Variants in XYLT1 observed in about 807,000 individuals in gnomAD.
XYLT1 encodes the protein xylosyltransferase 1.
Under a neutral mutation model 91.3 loss-of-function variants are expected in XYLT1, and 36 were observed. The observed-to-expected ratio is 0.39, with a 90% CI of 0.30 to 0.52. The LOEUF is 0.52. Among genes scored for constraint, XYLT1 ranks in the 20% least tolerant of loss-of-function variants. The probability of loss-of-function intolerance (pLI) is 0.68; values close to 1 mark genes in which losing one functional copy is unlikely to be tolerated. For missense variants in XYLT1, 1,242 were observed against 1,284.5 expected (o/e 0.97, Z 0.51); for synonymous variants, 588 against 532.0 (o/e 1.11, Z -1.45).
intron 2 of XYLT1, among the ~76,000 whole-genome samples, chr16:17,292,840 C>T (rs2034251668): frequency 6.6e-6 from 1 of 152,192 alleles, no homozygotes; most frequent in South Asian, 2.1e-4. Context: ...CATCTCTCCA[C>T]ACTTTGCCCA....
chr16:17,448,335 A>G (rs2036619826), intron 1 of XYLT1, among the ~76,000 whole-genome samples: 1 of 152,250 alleles, frequency 6.6e-6, no homozygotes, highest in Non-Finnish European at 1.5e-5. Context: ...ACTGCACTCC[A>G]GCCTGGGCGC....
At chr16:17,369,736 A>C (rs1223002165) in intron 1 of XYLT1, 1 of 152,254 alleles carries the variant, frequency 6.6e-6, no homozygotes, top group Admixed American at 6.5e-5. Flanking sequence ...TTGACTTTTC[A>C]GGGCCGTGAC....
chr16:17,139,034 G>C (rs2030878819), intron 7 of XYLT1, among the ~76,000 whole-genome samples: 1 of 152,142 alleles, frequency 6.6e-6, no homozygotes. Flanking sequence ...GCTGCTTGCT[G>C]TCCATGGTAC....
rs536046352 is a variant in XYLT1, at chr16:17,181,817, C to T, written c.1289+16395G>A. On this transcript the variant is annotated intron_variant, in intron 5 of 11. Transcript: ENST00000261381. ...GTGGTACTTAAGCCTCTTGGGGCCACGATGAGTTACCCCAACCGCTTGATG... is the reference window on the plus strand; with the variant it reads ...GTGGTACTTAAGCCTCTTGGGGCCATGATGAGTTACCCCAACCGCTTGATG... Among the ~76,000 whole-genome samples, 22 of 152,090 alleles carry T rather than the reference C, an allele frequency of 1.4e-4. 1 individual carries two copies. The South Asian group carries it at 4.0e-3, about 27-fold the overall frequency.
chr16:17,402,301 C>A (rs530307869), intron 1 of XYLT1, among the ~76,000 whole-genome samples: 1 of 150,618 alleles, frequency 6.6e-6, no homozygotes, highest in African/African-American at 2.5e-5. Context: ...GCCTGGGCAA[C>A]GGAGACCTTG....
intron 3 of XYLT1, among the ~76,000 whole-genome samples, chr16:17,222,297 C>T (rs1285628947): frequency 1.3e-5 from 2 of 152,200 alleles, no homozygotes; most frequent in Non-Finnish European, 2.9e-5. Flanking sequence ...TGTCTGGAGA[C>T]ATTTTTATTT....
intron 1 of XYLT1, among the ~76,000 whole-genome samples, chr16:17,396,023 G>A (rs962273610): frequency 6.6e-6 from 1 of 152,158 alleles, no homozygotes; most frequent in African/African-American, 2.4e-5. Context: ...TTTAAAAGTA[G>A]CCCTGTGCAA....
intron 6 of XYLT1, among the ~76,000 whole-genome samples, chr16:17,158,162 T>C (rs1567300509): frequency 6.6e-6 from 1 of 152,248 alleles, no homozygotes; most frequent in Non-Finnish European, 1.5e-5. Context: ...TGGGCTCAGC[T>C]CAATGCTGAA....
intron 1 of XYLT1, among the ~76,000 whole-genome samples, chr16:17,390,848 C>T (rs886740812): frequency 6.6e-6 from 1 of 152,090 alleles, no homozygotes. Flanking sequence ...CCAGCCTGGG[C>T]AACATGACGA....
chr16:17,304,472 GATTTGGACC>G (rs58270916), intron 2 of XYLT1, among the ~76,000 whole-genome samples: 93,419 of 151,366 alleles, frequency 0.62, 30,897 homozygotes, highest in African/African-American at 0.87. Flanking sequence ...ATGCTGCAGG[GATTTGGACC>G]ATTTGGACCG....
chr16:17,268,289 A>T (rs553053855), intron 2 of XYLT1, among the ~76,000 whole-genome samples: 109 of 152,324 alleles, frequency 7.2e-4, no homozygotes, highest in Middle Eastern at 3.4e-3. Flanking sequence ...AAATATGCAT[A>T]CTTTTCATAA....
At chr16:17,207,686 A>G (rs576712773) in intron 3 of XYLT1, among the ~76,000 whole-genome samples, 1 of 152,296 alleles carries the variant, frequency 6.6e-6, no homozygotes. Context: ...ACCCTTGCTC[A>G]GCAGCACCAA....
At chr16:17,299,855 T>C (rs757861580) in intron 2 of XYLT1, among the ~76,000 whole-genome samples, 5 of 152,186 alleles carry the variant, frequency 3.3e-5, no homozygotes, top group African/African-American at 1.2e-4. Flanking sequence ...CCCATCCTGG[T>C]GGACATGAAG....
intron 2 of XYLT1, among the ~76,000 whole-genome samples, chr16:17,294,994 CAA>C (rs1336296080): frequency 6.6e-6 from 1 of 152,144 alleles, no homozygotes; most frequent in Non-Finnish European, 1.5e-5. Flanking sequence ...ACAGATATAA[CAA>C]ATAGTGCACA....
rs184101692 is a variant in XYLT1, at chr16:17,422,136, C to T, written c.363+48298G>A. ...TAGCTGGGACTACAGATGCCCACCA[C>T]CACACCCGGCTAATTTTTTGTATTT... On this transcript the variant is annotated intron_variant, in intron 1 of 11. Transcript: ENST00000261381. 3.2e-3 allele frequency among the ~76,000 whole-genome samples: 484 copies of T among 152,128 alleles called. 1 individual carries two copies. The highest frequency in any genetic ancestry group is 4.7e-3 in the Non-Finnish European group (322 of 68,000).
At chr16:17,229,339 C>A (rs2033123212) in intron 3 of XYLT1, among the ~76,000 whole-genome samples, 1 of 152,186 alleles carries the variant, frequency 6.6e-6, no homozygotes, top group Non-Finnish European at 1.5e-5. Context: ...CATGTGACCC[C>A]AGCTGTGGGC....
intron 2 of XYLT1, among the ~76,000 whole-genome samples, chr16:17,339,076 T>G (rs980483018): frequency 3.3e-5 from 5 of 152,206 alleles, no homozygotes; most frequent in Non-Finnish European, 7.3e-5. Context: ...TTAAATAATG[T>G]GGAATCCTGT....
In XYLT1 at chr16:17,134,738, G is replaced by A. The variant is rs192023037; in HGVS notation, c.1765-3C>T. On this transcript the variant is annotated splice_region_variant and splice_polypyrimidine_tract_variant and intron_variant, in intron 8 of 11. Transcript: ENST00000261381. ...AAGAAGGTAGGCCGGGCTGTCTGCTGTACTCATGGGATTAAAAATAGAAAA... is the reference window on the plus strand; with the variant it reads ...AAGAAGGTAGGCCGGGCTGTCTGCTATACTCATGGGATTAAAAATAGAAAA... 188 of 1,612,840 alleles carry A rather than the reference G, an allele frequency of 1.2e-4. No homozygotes were observed. In the African/African-American group the frequency reaches 2.4e-3, roughly 20 times the overall value.
intron 1 of XYLT1, among the ~76,000 whole-genome samples, chr16:17,444,030 G>A (rs754889045): frequency 2.6e-5 from 4 of 152,042 alleles, no homozygotes; most frequent in Non-Finnish European, 5.9e-5. Context: ...CACACTGGCC[G>A]TTCATCAACT....
Sources: gnomAD v4.1 joint callset for allele counts (sites outside exome capture counted in the v4.1 genomes callset) on GRCh38, gnomAD v4.1.1 for gene constraint, MANE v1.5 for transcripts, NCBI Gene and HGNC (gene_info 2026-07-23, HGNC 2026-07-21) for gene names.